APPL1: variants seen among roughly 807,000 people sequenced by gnomAD.
The protein encoded by APPL1 is DCC-interacting protein 13-alpha.
Under a neutral mutation model 106.8 loss-of-function variants are expected in APPL1, and 42 were observed. The ratio of observed to expected loss-of-function variants is 0.39; its 90% confidence interval spans 0.31 to 0.51. The LOEUF is 0.51. Ranked by LOEUF, APPL1 falls within the 20% of genes least tolerant of loss-of-function variation. APPL1 has a pLI of 0.75. For synonymous variants in APPL1, 263 were observed against 281.8 expected, an observed-to-expected ratio of 0.93 and a Z score of 0.67; for missense variants, 769 against 858.2, an observed-to-expected ratio of 0.90 and a Z score of 1.30.
intron 19 of APPL1, among the ~76,000 whole-genome samples, chr3:57,264,793 CTA>C (rs974551760): frequency 7.1e-6 from 1 of 140,548 alleles, no homozygotes; most frequent in African/African-American, 2.6e-5. Flanking sequence ...TTGCACTGGT[CTA>C]TGTGTCTTTT....
At chr3:57,258,632 T>G (rs2060849564) in intron 15 of APPL1, 1 of 159,846 alleles carries the variant, frequency 6.3e-6, no homozygotes. Flanking sequence ...TTGTAACATG[T>G]ACTTACAGAA....
At position 57,237,362 on chromosome 3, in the gene APPL1, G is replaced by A. The variant is rs1050917132; in HGVS notation, c.154-130G>A. The A allele has an allele frequency of 4.5e-6, 3 of 664,594 alleles. No individual in the cohort carries two copies. In the African/African-American group the frequency reaches 5.7e-5, roughly 13 times the overall value. 41.2% of individuals were successfully genotyped at this position (664,594 alleles called of 1,614,324 possible). On this transcript the variant is annotated intron_variant, in intron 2 of 21. Coordinates refer to ENST00000288266, the MANE Select transcript of APPL1 (RefSeq NM_012096.3). The stretch of plus-strand genomic sequence containing the variant: ...TTTAATGGTAGTACCCCTTTCCAGT[G>A]ATTTAATGAAGGTTTTAAAAAACAT...
chr3:57,230,669 C>A, intron 1 of APPL1: 1 of 382,640 alleles, frequency 2.6e-6, no homozygotes, highest in Non-Finnish European at 5.2e-6. Context: ...GAGATTAATG[C>A]TTTGGAGCAT....
Position 57,247,485 on chromosome 3 carries a change from T to C in APPL1, c.704+8T>C. On this transcript the variant is annotated splice_region_variant and intron_variant, in intron 9 of 21. Coordinates refer to ENST00000288266, the MANE Select transcript of APPL1 (RefSeq NM_012096.3). ...TGGAACAAGCGTTCAGAAGTAAGTA[T>C]TTTTTTCCTTAAAATTGAAAATGAA... 6.5e-7 allele frequency: 1 copy of C among 1,538,484 alleles called. No homozygotes were observed. The highest frequency in any genetic ancestry group is 9.0e-7 in the Non-Finnish European group (1 of 1,116,064).
rs568699956 is a variant in APPL1, at chr3:57,271,982, A to G, written c.*2295A>G. On this transcript the variant is annotated 3_prime_UTR_variant, in exon 22 of 22. Transcript: ENST00000288266. ...TCTTTTTGTTATTTAAAGGCTGCCC[A>G]TGGGTTTCTGCCTAGTGGTAAAGCT... is the stretch of plus-strand genomic sequence containing the variant. The G allele has an allele frequency of 2.6e-5, 4 of 152,284 alleles. No individual in the cohort carries two copies. Among genetic ancestry groups the G allele is most frequent in the African/African-American group, 9.6e-5 (4 of 41,560 alleles). The allele number at this position is 152,284 out of a possible 1,614,324, so 9.4% of individuals were successfully genotyped here.
In APPL1 at chr3:57,260,733, T is replaced by C; in HGVS notation, c.1801T>C (p.Ser601Pro). 1 of 1,612,224 alleles carries C rather than the reference T, an allele frequency of 6.2e-7. No homozygotes were observed. Among genetic ancestry groups the C allele is most frequent in the Non-Finnish European group, 8.5e-7 (1 of 1,178,794 alleles). ...SSGRSESNLS[S>P]VCYIFESNNE... Reference sequence around the variant, plus strand: ...CGGGAGAAGTGAAAGTAATCTGTCATCAGTCTGCTATATATTTGAGTCAAA... The same window carrying C: ...CGGGAGAAGTGAAAGTAATCTGTCACCAGTCTGCTATATATTTGAGTCAAA... Residue 601 changes from serine to proline, a missense_variant, in exon 19 of 22, where the codon TCA (serine) becomes CCA (proline). Coordinates refer to ENST00000288266, the MANE Select transcript of APPL1 (RefSeq NM_012096.3).
At chr3:57,262,092 C>T (rs563438897) in intron 19 of APPL1, among the ~76,000 whole-genome samples, 150 of 152,214 alleles carry the variant, frequency 9.9e-4, no homozygotes, top group African/African-American at 3.4e-3. Flanking sequence ...ATATCCTCTG[C>T]ATACTTTTAA....
Position 57,265,451 on chromosome 3 carries a change from G to C in APPL1, c.1843-2291G>C, listed in dbSNP as rs931256889. 2.1e-4 allele frequency among the ~76,000 whole-genome samples: 32 copies of C among 152,208 alleles called. No individual in the cohort carries two copies. In the East Asian group the frequency reaches 6.2e-3, roughly 29 times the overall value. The stretch of plus-strand genomic sequence containing the variant: ...AGGCCTGAGCCACTGCGCCCAGCCT[G>C]TAGTTTTCATTATAGAGATCTTTCA... On this transcript the variant is annotated intron_variant, in intron 19 of 21. Coordinates refer to ENST00000288266, the MANE Select transcript of APPL1 (RefSeq NM_012096.3).
chr3:57,269,268 A>ATGAT, intron 21 of APPL1: 1 of 327,018 alleles, frequency 3.1e-6, no homozygotes, highest in South Asian at 5.1e-5. Flanking sequence ...ATAGTGAGAG[A>ATGAT]TGATTGATGA....
At chr3:57,267,842 A>C (rs1344322190) in intron 20 of APPL1, 50 bp downstream of exon 20, 1 of 1,595,528 alleles carries the variant, frequency 6.3e-7, no homozygotes, top group Non-Finnish European at 8.6e-7. Context: ...CTGTAATCGC[A>C]GCACATTGGG....
intron 19 of APPL1, among the ~76,000 whole-genome samples, chr3:57,263,964 A>G (rs973577120): frequency 1.3e-5 from 2 of 152,164 alleles, no homozygotes; most frequent in African/African-American, 4.8e-5. Context: ...AGGAACCTCC[A>G]GACTTTTCTC....
chr3:57,242,008 A>T, intron 5 of APPL1, 93 bp from the exon 6 acceptor site: 1 of 869,710 alleles, frequency 1.1e-6, no homozygotes, highest in Non-Finnish European at 1.8e-6. Context: ...TATTATTTTG[A>T]GTTTTAATTA....
chr3:57,232,725 C>T (rs553490859), intron 1 of APPL1, among the ~76,000 whole-genome samples: 6 of 152,060 alleles, frequency 3.9e-5, no homozygotes, highest in Admixed American at 2.0e-4. Context: ...TTCATGGGCC[C>T]GGTGCGGTGG....
chr3:57,252,571 T>G (rs1418047968), intron 12 of APPL1, among the ~76,000 whole-genome samples: 1 of 152,222 alleles, frequency 6.6e-6, no homozygotes, highest in East Asian at 1.9e-4. Flanking sequence ...ACCTTGTGAC[T>G]GTTGCTGTCT....
At position 57,260,703 on chromosome 3, in the gene APPL1, T is replaced by C; in HGVS notation, c.1771T>C (p.Ser591Pro). The C allele has an allele frequency of 1.2e-6, 2 of 1,613,012 alleles. No individual in the cohort carries two copies. Among genetic ancestry groups the C allele is most frequent in the Non-Finnish European group, 8.5e-7 (1 of 1,179,324 alleles). The change falls in exon 19 of 22, where the codon TCA (serine) becomes CCA (proline). Residue 591 changes from serine to proline, a missense_variant. Ser to Pro is a moderately conservative substitution (Grantham distance 74). Transcript: ENST00000288266. The stretch of plus-strand genomic sequence containing the variant: ...CCTTTTTGGATTTGTTCTTCGGACA[T>C]CAAGCGGGAGAAGTGAAAGTAATCT... Reference protein sequence around the residue: ...KRLFGFVLRTSSGRSESNLSS... With the variant: ...KRLFGFVLRTPSGRSESNLSS...
In APPL1 at chr3:57,228,726, A is replaced by G. The variant is rs1245756631; in HGVS notation, c.54+789A>G. On this transcript the variant is annotated intron_variant, in intron 1 of 21. Transcript: ENST00000288266. The surrounding 1 kb of genome is among the most constrained non-coding windows in gnomAD (Gnocchi z 4.6). ...TCAGTACTGCAGAATGAAAGCAGCT[A>G]TATTTTTTAAAATGTTGGCAGGGGC... Among the ~76,000 whole-genome samples the G allele has an allele frequency of 1.3e-5, 2 of 152,374 alleles. No individual in the cohort carries two copies. The highest frequency in any genetic ancestry group is 2.4e-5 in the African/African-American group (1 of 41,586).
At chr3:57,254,638 T>G (rs910750106) in intron 13 of APPL1, among the ~76,000 whole-genome samples, 1 of 152,188 alleles carries the variant, frequency 6.6e-6, no homozygotes, top group African/African-American at 2.4e-5. Context: ...AAGATTCTTT[T>G]TTTTGAGACA....
chr3:57,270,392 G>T lies in APPL1; in HGVS notation c.*705G>T, dbSNP rs2060928239. 1 of 152,584 alleles carries T rather than the reference G, an allele frequency of 6.6e-6. No homozygotes were observed. The highest frequency in any genetic ancestry group is 2.4e-5 in the African/African-American group (1 of 41,444). The allele number at this position is 152,584 out of a possible 1,614,324, so 9.5% of individuals were successfully genotyped here. ...TTTATTATCACATTCTTAGTTCTCA[G>T]GTTGGGACTTCAATTACTGCTGCAG... On this transcript the variant is annotated 3_prime_UTR_variant, in exon 22 of 22. Coordinates refer to ENST00000288266, the MANE Select transcript of APPL1 (RefSeq NM_012096.3).
At chr3:57,265,906 G>C (rs979864258) in intron 19 of APPL1, among the ~76,000 whole-genome samples, 2 of 152,100 alleles carry the variant, frequency 1.3e-5, no homozygotes, top group African/African-American at 2.4e-5. Context: ...AATCATGAAG[G>C]GATGTTGAAC....
Sources: allele counts gnomAD v4.1 joint callset (sites outside exome capture counted in the v4.1 genomes callset), GRCh38; gene constraint gnomAD v4.1.1; non-coding constraint Gnocchi (gnomAD v3.1); transcripts MANE v1.5; gene names NCBI Gene and HGNC (gene_info 2026-07-23, HGNC 2026-07-21).